The following DPYD variants were observed in gnomAD, a reference collection of about 807,000 sequenced individuals.
DPYD encodes dihydropyrimidine dehydrogenase [NADP(+)].
In DPYD, 109 loss-of-function variants were observed where a neutral mutation model predicts 116.2. That is an observed-to-expected ratio of 0.94 (90% CI 0.80 to 1.10). The LOEUF (loss-of-function observed/expected upper bound fraction) is 1.10. DPYD is among the 50% of genes least tolerant of loss of function. The pLI is 0.00. For missense variants in DPYD, 1,302 were observed against 1,254.5 expected (o/e 1.04, Z -0.57); for synonymous variants, 440 against 432.0 (o/e 1.02, Z -0.23).
chr1:97,543,174 C>A (rs1031960390), intron 12 of DPYD, among the ~76,000 whole-genome samples: 3 of 152,054 alleles, frequency 2.0e-5, no homozygotes, highest in Admixed American at 6.6e-5. Flanking sequence ...CCCTGGAGTG[C>A]TGAAGTAACC....
intron 14 of DPYD, among the ~76,000 whole-genome samples, chr1:97,392,104 A>G (rs1333908296): frequency 6.6e-6 from 1 of 152,080 alleles, no homozygotes; most frequent in Non-Finnish European, 1.5e-5. Context: ...GGACATTTAG[A>G]GGTATACCTC....
At chr1:97,192,420 T>C (rs950922788) in intron 20 of DPYD, among the ~76,000 whole-genome samples, 1 of 152,118 alleles carries the variant, frequency 6.6e-6, no homozygotes, top group Non-Finnish European at 1.5e-5. Flanking sequence ...CTCCCCTCAT[T>C]GAGGGCTCAA....
At chr1:97,853,220 A>T (rs1027252662) in intron 2 of DPYD, among the ~76,000 whole-genome samples, 1 of 152,220 alleles carries the variant, frequency 6.6e-6, no homozygotes, top group Admixed American at 6.5e-5. Flanking sequence ...TTATATGGTA[A>T]TATCAGTTTC....
intron 6 of DPYD, among the ~76,000 whole-genome samples, chr1:97,693,842 C>G (rs7523632): frequency 0.015 from 2,254 of 151,780 alleles, 52 homozygotes; most frequent in African/African-American, 0.052. Flanking sequence ...TAAGTAGAAG[C>G]ACATGGAATA....
intron 13 of DPYD, among the ~76,000 whole-genome samples, chr1:97,459,592 G>A (rs1278712446): frequency 6.6e-6 from 1 of 152,156 alleles, no homozygotes; most frequent in Non-Finnish European, 1.5e-5. Context: ...CAGTACCAAT[G>A]AAAGCCAGAA....
chr1:97,610,801 T>G lies in DPYD; in HGVS notation c.851-15635A>C, dbSNP rs544125003. ...TCCTATTTTTAAGCAATTAAAGAATTCATTGTTTGCTCAAATCATGATTAG... is the reference window on the plus strand; with the variant it reads ...TCCTATTTTTAAGCAATTAAAGAATGCATTGTTTGCTCAAATCATGATTAG... On this transcript the variant is annotated intron_variant, in intron 8 of 22. Transcript: ENST00000370192. Among the ~76,000 whole-genome samples the G allele has an allele frequency of 2.0e-5, 3 of 152,106 alleles. No homozygotes were observed. The South Asian group carries it at 6.2e-4, about 32-fold the overall frequency.
chr1:97,606,351 A>T (rs896615935), intron 8 of DPYD, among the ~76,000 whole-genome samples: 2 of 152,048 alleles, frequency 1.3e-5, no homozygotes, highest in Non-Finnish European at 2.9e-5. Flanking sequence ...TGTAATAAAA[A>T]AATTTAGAAT....
intron 19 of DPYD, among the ~76,000 whole-genome samples, chr1:97,220,585 C>A (rs1557948505): frequency 2.0e-5 from 3 of 152,060 alleles, no homozygotes; most frequent in Admixed American, 1.3e-4. Flanking sequence ...TATAGTGGGG[C>A]TCATTCAGTG....
At chr1:97,894,302 C>T (rs1672940382) in intron 1 of DPYD, among the ~76,000 whole-genome samples, 1 of 151,824 alleles carries the variant, frequency 6.6e-6, no homozygotes, top group Non-Finnish European at 1.5e-5. Context: ...TCATCTACCC[C>T]TAGCTACCTT....
chr1:97,315,383 G>T (rs1261936819), intron 16 of DPYD, among the ~76,000 whole-genome samples: 2 of 148,436 alleles, frequency 1.3e-5, no homozygotes, highest in Non-Finnish European at 3.0e-5. Flanking sequence ...GGCACTTTTT[G>T]TCCTGAAGCT....
chr1:97,707,229 C>T (rs1306750646), intron 5 of DPYD, among the ~76,000 whole-genome samples: 1 of 152,102 alleles, frequency 6.6e-6, no homozygotes, highest in Admixed American at 6.6e-5. Context: ...TACCTTGCCC[C>T]TGTCACATGT....
At chr1:97,333,274 G>C (rs1669113631) in intron 16 of DPYD, among the ~76,000 whole-genome samples, 1 of 151,776 alleles carries the variant, frequency 6.6e-6, no homozygotes, top group African/African-American at 2.4e-5. Flanking sequence ...CTACTGTCCA[G>C]AGTAATACAC....
At chr1:97,727,461 G>A (rs746674880) in intron 4 of DPYD, among the ~76,000 whole-genome samples, 2 of 151,682 alleles carry the variant, frequency 1.3e-5, no homozygotes, top group Non-Finnish European at 3.0e-5. Flanking sequence ...TTAATAGAAG[G>A]GTTCCAGTAT....
intron 13 of DPYD, among the ~76,000 whole-genome samples, chr1:97,463,283 A>T (rs1211064833): frequency 2.0e-5 from 3 of 152,120 alleles, no homozygotes; most frequent in Admixed American, 1.3e-4. Flanking sequence ...GTCTCAAGAG[A>T]TCTGATGGTT....
intron 8 of DPYD, among the ~76,000 whole-genome samples, chr1:97,677,426 T>C (rs1660204466): frequency 6.6e-6 from 1 of 152,180 alleles, no homozygotes; most frequent in Non-Finnish European, 1.5e-5. Context: ...TTTTCACTTA[T>C]TACTGACCAA....
At chr1:97,095,844 C>T (rs541176122) in intron 21 of DPYD, 2 of 152,102 alleles carry the variant, frequency 1.3e-5, no homozygotes, top group African/African-American at 2.4e-5. Flanking sequence ...CAGGGCACAG[C>T]ATCTGCCTAG....
At chr1:97,322,421 C>T (rs1443031174) in intron 16 of DPYD, among the ~76,000 whole-genome samples, 1 of 151,748 alleles carries the variant, frequency 6.6e-6, no homozygotes, top group Non-Finnish European at 1.5e-5. Flanking sequence ...AAACTAAATA[C>T]TAAAGGAAAT....
intron 3 of DPYD, among the ~76,000 whole-genome samples, chr1:97,793,638 C>T (rs1667423179): frequency 6.6e-6 from 1 of 151,776 alleles, no homozygotes; most frequent in Non-Finnish European, 1.5e-5. Context: ...CAATTGGATG[C>T]CCATATGAAA....
intron 18 of DPYD, among the ~76,000 whole-genome samples, chr1:97,244,647 C>T (rs1662591640): frequency 6.6e-6 from 1 of 151,954 alleles, no homozygotes; most frequent in South Asian, 2.1e-4. Context: ...ATGTGATAGG[C>T]TGGTGTGAAC....
Sources: gnomAD v4.1 joint callset for allele counts (sites outside exome capture counted in the v4.1 genomes callset) on GRCh38, gnomAD v4.1.1 for gene constraint, MANE v1.5 for transcripts, NCBI Gene and HGNC (gene_info 2026-07-23, HGNC 2026-07-21) for gene names.